The following KDM2A variants were observed in gnomAD, a reference collection of about 807,000 sequenced individuals.
The protein encoded by KDM2A is lysine demethylase 2A.
In KDM2A, 3 loss-of-function variants were observed where a neutral mutation model predicts 137.3. The observed-to-expected ratio is 0.02, with a 90% CI of 0.01 to 0.06. The LOEUF (loss-of-function observed/expected upper bound fraction) is 0.06. Ranked by LOEUF, KDM2A falls within the 10% of genes least tolerant of loss-of-function variation. KDM2A has a pLI of 1.00. For synonymous variants in KDM2A, 512 were observed against 541.5 expected (o/e 0.95, Z 0.76); for missense variants, 738 against 1,510.6 (o/e 0.49, Z 8.48).
intron 5 of KDM2A, among the ~76,000 whole-genome samples, chr11:67,202,508 C>T (rs1319054950): frequency 6.6e-6 from 1 of 152,056 alleles, no homozygotes; most frequent in African/African-American, 2.4e-5. Context: ...CATGGTGGCT[C>T]ACGTCTGTAA....
chr11:67,196,357 CT>C (rs1857481670), intron 5 of KDM2A: 1 of 456,026 alleles, frequency 2.2e-6, no homozygotes, highest in South Asian at 1.5e-5. Context: ...CCAAGCTGGC[CT>C]TGAAATCCTG....
At chr11:67,196,475 TA>T in intron 5 of KDM2A, 1 of 456,106 alleles carries the variant, frequency 2.2e-6, no homozygotes. Context: ...TGTAGCAACC[TA>T]AATGTCCATC....
intron 17 of KDM2A, among the ~76,000 whole-genome samples, chr11:67,251,526 G>C (rs997621061): frequency 6.6e-6 from 1 of 152,050 alleles, no homozygotes; most frequent in African/African-American, 2.4e-5. Context: ...TTTTTATCTG[G>C]GTCACACACA....
chr11:67,235,980 G>A (rs1224756320), intron 12 of KDM2A, among the ~76,000 whole-genome samples: 1 of 152,154 alleles, frequency 6.6e-6, no homozygotes, highest in African/African-American at 2.4e-5. Context: ...GAATAAAAAG[G>A]TAGGACATGT....
chr11:67,188,309 C>T (rs192332132), intron 5 of KDM2A, among the ~76,000 whole-genome samples: 1 of 151,950 alleles, frequency 6.6e-6, no homozygotes, highest in African/African-American at 2.4e-5. Flanking sequence ...GGTGAAACCC[C>T]GTCTCTACTA....
intron 5 of KDM2A, among the ~76,000 whole-genome samples, chr11:67,187,225 G>A (rs990862533): frequency 6.6e-6 from 1 of 152,100 alleles, no homozygotes; most frequent in African/African-American, 2.4e-5. Flanking sequence ...AAAGAAAACA[G>A]TAATTTAGGA....
intron 5 of KDM2A, 77 bp downstream of exon 5, chr11:67,181,969 A>G: frequency 3.3e-6 from 4 of 1,214,282 alleles, no homozygotes; most frequent in Non-Finnish European, 4.9e-6. Context: ...TCTGACTGAG[A>G]TTTAAGGCCT....
chr11:67,180,527 TC>T, intron 3 of KDM2A: 1 of 234,942 alleles, frequency 4.3e-6, no homozygotes, highest in Non-Finnish European at 8.2e-6. Context: ...ACAATAGAAA[TC>T]CTTTTATGTA....
intron 2 of KDM2A, among the ~76,000 whole-genome samples, chr11:67,152,316 A>G (rs1262801882): frequency 6.6e-6 from 1 of 150,790 alleles, no homozygotes; most frequent in East Asian, 2.0e-4. Context: ...CTGTCTCAAC[A>G]AAAAATTAAT....
Position 67,245,155 on chromosome 11 carries a change from T to G in KDM2A, c.1564-34T>G. Reference sequence around the variant, plus strand: ...TACCCTATCCAGTCTTAAAGCAACCTGATATATTTGACCTCACTGCTTTCT... The same window carrying G: ...TACCCTATCCAGTCTTAAAGCAACCGGATATATTTGACCTCACTGCTTTCT... On this transcript the variant is annotated intron_variant, in intron 13 of 20. Transcript: ENST00000529006. The surrounding 1 kb of genome is among the most constrained non-coding windows in gnomAD (Gnocchi z 4.1). 9 of 1,605,360 alleles carry G rather than the reference T, an allele frequency of 5.6e-6. No individual in the cohort carries two copies. Among genetic ancestry groups the G allele is most frequent in the Non-Finnish European group, 7.7e-6 (9 of 1,175,056 alleles).
intron 2 of KDM2A, among the ~76,000 whole-genome samples, chr11:67,125,094 C>G (rs1855689108): frequency 1.3e-5 from 2 of 151,398 alleles, no homozygotes; most frequent in Admixed American, 1.3e-4. Flanking sequence ...ATCTGCTGAC[C>G]TCGTGATCCG....
intron 2 of KDM2A, among the ~76,000 whole-genome samples, chr11:67,149,687 A>G (rs1789736606): frequency 6.6e-6 from 1 of 151,288 alleles, no homozygotes; most frequent in African/African-American, 2.4e-5. Context: ...ATAGTAATCT[A>G]ATTTTATAAA....
chr11:67,190,044 A>G (rs1377539480), intron 5 of KDM2A, among the ~76,000 whole-genome samples: 2 of 152,256 alleles, frequency 1.3e-5, no homozygotes, highest in Admixed American at 6.5e-5. Context: ...CTTTGAAAAG[A>G]TAAACAAAAT....
chr11:67,253,771 G>A (rs747513758), intron 19 of KDM2A, among the ~76,000 whole-genome samples, 160 bp downstream of exon 19: 2 of 152,194 alleles, frequency 1.3e-5, no homozygotes, highest in Non-Finnish European at 2.9e-5. Flanking sequence ...CAAGAATAGG[G>A]TAACTATAAG....
At chr11:67,169,819 G>A (rs553820107) in intron 2 of KDM2A, among the ~76,000 whole-genome samples, 41 of 117,372 alleles carry the variant, frequency 3.5e-4, no homozygotes, top group African/African-American at 1.2e-3. Flanking sequence ...GTACAGTGGC[G>A]AGATCTCGGC....
At chr11:67,251,020 A>G (rs1052710335) in intron 17 of KDM2A, among the ~76,000 whole-genome samples, 3 of 152,108 alleles carry the variant, frequency 2.0e-5, no homozygotes, top group African/African-American at 7.2e-5. Flanking sequence ...CCTGCTCTAT[A>G]CTTTCCCATG....
intron 2 of KDM2A, among the ~76,000 whole-genome samples, chr11:67,132,821 A>G (rs1162113430): frequency 1.3e-5 from 2 of 152,204 alleles, no homozygotes; most frequent in African/African-American, 4.8e-5. Flanking sequence ...CCCACCCCAA[A>G]CTTACTGAAC....
intron 15 of KDM2A, among the ~76,000 whole-genome samples, chr11:67,247,420 A>ATC (rs1859283556): frequency 1.8e-5 from 1 of 55,078 alleles, no homozygotes; most frequent in East Asian, 5.3e-4. Context: ...CAGCATTACA[A>ATC]TCTTTTTTTT....
In KDM2A at chr11:67,245,001, AAG is replaced by A; in HGVS notation, c.1564-187_1564-186del. 2 of 598,644 alleles carry A rather than the reference AAG, an allele frequency of 3.3e-6. No homozygotes were observed. The highest frequency in any genetic ancestry group is 3.2e-5 in the Admixed American group (1 of 31,662). The allele number at this position is 598,644 out of a possible 1,614,324, so 37.1% of individuals were successfully genotyped here. On this transcript the variant is annotated intron_variant, in intron 13 of 20. Transcript: ENST00000529006. This position sits in a 1 kb window ranked among gnomAD's most constrained non-coding sequence, Gnocchi z 4.1. ...ACTCTGTCTCAAAAAAAAAAAAAAAAAGCAGCCATTGATAATACATACACAAG... is the reference window on the plus strand; with the variant it reads ...ACTCTGTCTCAAAAAAAAAAAAAAAACAGCCATTGATAATACATACACAAG...
Sources: gnomAD v4.1 joint callset for allele counts (sites outside exome capture counted in the v4.1 genomes callset) on GRCh38, gnomAD v4.1.1 for gene constraint, Gnocchi (gnomAD v3.1) non-coding constraint, MANE v1.5 for transcripts, NCBI Gene and HGNC (gene_info 2026-07-23, HGNC 2026-07-21) for gene names.